Variants in EMC10 observed in about 807,000 individuals in gnomAD.
The protein encoded by EMC10 is UPF0510 protein INM02.
In EMC10, 40 loss-of-function variants were observed where a neutral mutation model predicts 32.2. The observed-to-expected ratio is 1.24, with a 90% CI of 0.96 to 1.61. The LOEUF (loss-of-function observed/expected upper bound fraction) is 1.61. Ranked by LOEUF, EMC10 falls within the 40% of genes most tolerant of loss-of-function variation. The pLI is 0.00. For synonymous variants in EMC10, 178 were observed against 158.4 expected (o/e 1.12, Z -0.93); for missense variants, 402 against 357.7 (o/e 1.12, Z -1.00).
rs79269644 is a variant in EMC10 at position 50,476,651 on chromosome 19, C to T, written c.107C>T (p.Ala36Val). Residue 36 changes from alanine (A) to valine (V), a missense_variant, in exon 1 of 7, where the codon GCG (alanine) becomes GTG (valine). Transcript: ENST00000334976. ...RGSGCRAGTG[A>V]RGAGAEGREG... ...AGCGGCTGCCGGGCCGGGACTGGTG[C>T]GCGAGGGGTGAGTGCTCTTTAGCTG... 5.9e-6 allele frequency: 9 copies of T among 1,528,616 alleles called. No individual in the cohort carries two copies. In the East Asian group the frequency reaches 2.2e-4, roughly 37 times the overall value. 94.7% of individuals were successfully genotyped at this position (1,528,616 alleles called of 1,614,324 possible). A position where few individuals can be genotyped will look rare whatever the true frequency, so the allele number is the denominator to read the frequency against.
At chr19:50,481,099 C>A (rs1274939924) in intron 6 of EMC10, 122 bp downstream of exon 6, 1 of 705,132 alleles carries the variant, frequency 1.4e-6, no homozygotes, top group Non-Finnish European at 2.4e-6. Flanking sequence ...TCCTCCGGGC[C>A]TCCTGTGTGT....
rs1479113060 is a variant in EMC10 at position 50,480,436 on chromosome 19, G to A, written c.403-145G>A. On this transcript the variant is annotated intron_variant, in intron 4 of 6. Transcript: ENST00000334976. The surrounding 1 kb of genome is among the most constrained non-coding windows in gnomAD (Gnocchi z 4.4). Reference sequence around the variant, plus strand: ...TTGTGAGGACTCCCGGGTGGGGGGCGGTTGAACTTGGGCCTGAGGGTAACA... The same window carrying A: ...TTGTGAGGACTCCCGGGTGGGGGGCAGTTGAACTTGGGCCTGAGGGTAACA... 5 of 1,058,164 alleles carry A rather than the reference G, an allele frequency of 4.7e-6. No homozygotes were observed. Among genetic ancestry groups the A allele is most frequent in the Admixed American group, 5.1e-5 (2 of 39,586 alleles). The allele number at this position is 1,058,164 out of a possible 1,614,324, so 65.5% of individuals were successfully genotyped here.
chr19:50,482,957 A>G lies in EMC10; in HGVS notation c.*698A>G. Reference sequence around the variant, plus strand: ...CAGACTTGAAGGAAAAGGTTTAAGAAAGAAAACAAAACCAACAGTTAGTGG... The same window carrying G: ...CAGACTTGAAGGAAAAGGTTTAAGAGAGAAAACAAAACCAACAGTTAGTGG... On this transcript the variant is annotated 3_prime_UTR_variant, in exon 7 of 7. Coordinates refer to ENST00000334976, the MANE Select transcript of EMC10 (RefSeq NM_206538.4). 1 of 580,444 alleles carries G rather than the reference A, an allele frequency of 1.7e-6. No homozygotes were observed. The highest frequency in any genetic ancestry group is 3.1e-6 in the Non-Finnish European group (1 of 323,156). The allele number at this position is 580,444 out of a possible 1,614,324, so 36.0% of individuals were successfully genotyped here.
chr19:50,477,472 C>T (rs910694829), intron 1 of EMC10, among the ~76,000 whole-genome samples: 2 of 152,080 alleles, frequency 1.3e-5, no homozygotes, highest in Non-Finnish European at 2.9e-5. Flanking sequence ...CCTAAATATG[C>T]GTGAGTATGC....
Position 50,486,855 on chromosome 19 carries a change from C to A in EMC10, c.*4596C>A, listed in dbSNP as rs1039134340. On this transcript the variant is annotated 3_prime_UTR_variant, in exon 7 of 7. Transcript: ENST00000334976. ...TATATTGATTAGGAGTAAAAATGTT[C>A]ATTTTTACAAAATATTACAACTTCT... is the stretch of plus-strand genomic sequence containing the variant. 7 of 152,076 alleles carry A rather than the reference C, an allele frequency of 4.6e-5. No individual in the cohort carries two copies. Among genetic ancestry groups the A allele is most frequent in the African/African-American group, 1.7e-4 (7 of 41,400 alleles). 9.4% of individuals were successfully genotyped at this position (152,076 alleles called of 1,614,324 possible).
In EMC10 at chr19:50,482,306, C is replaced by T. The variant is rs1246492485; in HGVS notation, c.*47C>T. 1 of 799,610 alleles carries T rather than the reference C, an allele frequency of 1.3e-6. No homozygotes were observed. The highest frequency in any genetic ancestry group is 1.7e-5 in the African/African-American group (1 of 58,648). The allele number at this position is 799,610 out of a possible 1,614,324, so 49.5% of individuals were successfully genotyped here. A position where few individuals can be genotyped will look rare whatever the true frequency, so the allele number is the denominator to read the frequency against. ...CCGTCTTGCACACCCAGGGGCCTCC[C>T]TTTCTGCTGGAGTCCCCTGTGTCCT... On this transcript the variant is annotated 3_prime_UTR_variant, in exon 7 of 7. Transcript: ENST00000334976.
In EMC10 at chr19:50,480,884, C is replaced by T. The variant is rs773663513; in HGVS notation, c.585C>T (p.Gly195=). The change falls in exon 6 of 7, where the codon GGC becomes GGT. Residue 195 remains glycine (G), a splice_region_variant and synonymous_variant. Coordinates refer to ENST00000334976, the MANE Select transcript of EMC10 (RefSeq NM_206538.4). This position sits in a 1 kb window ranked among gnomAD's most constrained non-coding sequence, Gnocchi z 4.4. ...TTCTCCTCCTCTCCCCTTGCCCCAGCCCTGAGACGGCGGCCTTCATTGAGC... is the reference window on the plus strand; with the variant it reads ...TTCTCCTCCTCTCCCCTTGCCCCAGTCCTGAGACGGCGGCCTTCATTGAGC... ...VQLQPPTTAP[G]PETAAFIERL... 1.2e-6 allele frequency: 2 copies of T among 1,604,590 alleles called. No individual in the cohort carries two copies. The highest frequency in any genetic ancestry group is 1.3e-5 in the African/African-American group (1 of 74,856).
At position 50,480,031 on chromosome 19, in the gene EMC10, C is replaced by T. The variant is rs548149319; in HGVS notation, c.298-80C>T. 45 of 1,179,688 alleles carry T rather than the reference C, an allele frequency of 3.8e-5. No individual in the cohort carries two copies. Among genetic ancestry groups the T allele is most frequent in the South Asian group, 7.3e-5 (5 of 68,154 alleles). 73.1% of individuals were successfully genotyped at this position (1,179,688 alleles called of 1,614,324 possible). A position where few individuals can be genotyped will look rare whatever the true frequency, so the allele number is the denominator to read the frequency against. ...GTGGGTGGGGCTGGAGAGGGGCCTT[C>T]GCGGAGGCCTGGTGGGCATCACAGC... On this transcript the variant is annotated intron_variant, in intron 3 of 6. Transcript: ENST00000334976. This position sits in a 1 kb window ranked among gnomAD's most constrained non-coding sequence, Gnocchi z 4.4.
chr19:50,478,307 G>A (rs1334394725), intron 2 of EMC10, among the ~76,000 whole-genome samples: 1 of 152,220 alleles, frequency 6.6e-6, no homozygotes. Context: ...TAACTCAGAT[G>A]TCCTCACAGC....
Position 50,480,456 on chromosome 19 carries a change from G to GT in EMC10, c.403-124dup. ...GGGGCGGTTGAACTTGGGCCTGAGG[G>GT]TAACAGGGAGCCATGGGAAGGTTTT... On this transcript the variant is annotated intron_variant, in intron 4 of 6. Transcript: ENST00000334976. This position sits in a 1 kb window ranked among gnomAD's most constrained non-coding sequence, Gnocchi z 4.4. 1 of 1,219,982 alleles carries GT rather than the reference G, an allele frequency of 8.2e-7. No individual in the cohort carries two copies. The highest frequency in any genetic ancestry group is 2.1e-4 in the Middle Eastern group (1 of 4,714). 75.6% of individuals were successfully genotyped at this position (1,219,982 alleles called of 1,614,324 possible).
intron 3 of EMC10, among the ~76,000 whole-genome samples, chr19:50,479,764 A>T (rs1237829413): frequency 6.6e-6 from 1 of 152,206 alleles, no homozygotes; most frequent in Admixed American, 6.5e-5. Context: ...AGAATTTATT[A>T]TGCATGTAAC....
At chr19:50,482,063 C>G in intron 6 of EMC10, 86 bp from the exon 7 acceptor site, 1 of 1,441,484 alleles carries the variant, frequency 6.9e-7, no homozygotes, top group East Asian at 2.3e-5. Context: ...CCGGTCCCCA[C>G]CGTGGGTGGG....
At chr19:50,481,210 C>T (rs776402359) in intron 6 of EMC10, 21 of 490,212 alleles carry the variant, frequency 4.3e-5, no homozygotes, top group South Asian at 2.0e-4. Context: ...GGGGAGGTCT[C>T]GGCCTGAGCT....
Position 50,480,470 on chromosome 19 carries a change from TG to T in EMC10, c.403-108del. The T allele has an allele frequency of 1.5e-6, 2 of 1,294,382 alleles. No individual in the cohort carries two copies. The highest frequency in any genetic ancestry group is 2.1e-6 in the Non-Finnish European group (2 of 944,912). 80.2% of individuals were successfully genotyped at this position (1,294,382 alleles called of 1,614,324 possible). A position where few individuals can be genotyped will look rare whatever the true frequency, so the allele number is the denominator to read the frequency against. On this transcript the variant is annotated intron_variant, in intron 4 of 6. Coordinates refer to ENST00000334976, the MANE Select transcript of EMC10 (RefSeq NM_206538.4). The surrounding 1 kb of genome is among the most constrained non-coding windows in gnomAD (Gnocchi z 4.4). ...TGGGCCTGAGGGTAACAGGGAGCCA[TG>T]GGAAGGTTTTGAAAAATGCTCCGGG...
At chr19:50,479,105 G>A in intron 3 of EMC10, 39 bp downstream of exon 3, 2 of 1,504,146 alleles carry the variant, frequency 1.3e-6, no homozygotes, top group Non-Finnish European at 1.8e-6. Flanking sequence ...GGATGGGGAT[G>A]GAGGGTTTCC....
chr19:50,483,402 C>T lies in EMC10; in HGVS notation c.*1143C>T, dbSNP rs554338306. 24 of 224,342 alleles carry T rather than the reference C, an allele frequency of 1.1e-4. No homozygotes were observed. The highest frequency in any genetic ancestry group is 5.3e-4 in the African/African-American group (23 of 43,168). The allele number at this position is 224,342 out of a possible 1,614,324, so 13.9% of individuals were successfully genotyped here. A position where few individuals can be genotyped will look rare whatever the true frequency, so the allele number is the denominator to read the frequency against. On this transcript the variant is annotated 3_prime_UTR_variant, in exon 7 of 7. Coordinates refer to ENST00000334976, the MANE Select transcript of EMC10 (RefSeq NM_206538.4). ...TAAATAGCACCCTAGTGAGTGCTGTCGTCCAGTCTCTCTTGGGTGTGGTTT... is the reference window on the plus strand; with the variant it reads ...TAAATAGCACCCTAGTGAGTGCTGTTGTCCAGTCTCTCTTGGGTGTGGTTT...
In EMC10 at chr19:50,476,550, G is replaced by T; in HGVS notation, c.6G>T (p.Ala2=). ...GCTGGTGGGAAGAAGCCGAGATGGCGGCAGCCAGCGCTGGGGCAACCCGGC... is the reference window on the plus strand; with the variant it reads ...GCTGGTGGGAAGAAGCCGAGATGGCTGCAGCCAGCGCTGGGGCAACCCGGC... The part of the protein sequence containing the change: M[A]AASAGATRLL... Residue 2 remains alanine (A), a synonymous_variant, in exon 1 of 7, where the codon GCG becomes GCT. Transcript: ENST00000334976. 1 of 1,572,916 alleles carries T rather than the reference G, an allele frequency of 6.4e-7. No individual in the cohort carries two copies.
At position 50,482,181 on chromosome 19, in the gene EMC10, C is replaced by T. The variant is rs774599573; in HGVS notation, c.711C>T (p.Leu237=). 2 of 1,580,272 alleles carry T rather than the reference C, an allele frequency of 1.3e-6. No individual in the cohort carries two copies. The highest frequency in any genetic ancestry group is 1.7e-6 in the Non-Finnish European group (2 of 1,155,222). Reference sequence around the variant, plus strand: ...ACATCATTCCCGTCGTCCTGTTCCTCATGATGTCAGGAGCGCCAGACACCG... The same window carrying T: ...ACATCATTCCCGTCGTCCTGTTCCTTATGATGTCAGGAGCGCCAGACACCG... ...WMYIIPVVLF[L]MMSGAPDTGG... Residue 237 remains leucine (L), a synonymous_variant, in exon 7 of 7, where the codon CTC becomes CTT. Coordinates refer to ENST00000334976, the MANE Select transcript of EMC10 (RefSeq NM_206538.4).
intron 3 of EMC10, 58 bp downstream of exon 3, chr19:50,479,124 C>G (rs2040277775): frequency 1.5e-6 from 2 of 1,359,878 alleles, no homozygotes; most frequent in Non-Finnish European, 1.0e-6. Flanking sequence ...CCAGCTGTCT[C>G]TTCAGCCACC....
Sources: gnomAD v4.1 joint callset for allele counts (sites outside exome capture counted in the v4.1 genomes callset) on GRCh38, gnomAD v4.1.1 for gene constraint, Gnocchi (gnomAD v3.1) non-coding constraint, MANE v1.5 for transcripts, NCBI Gene and HGNC (gene_info 2026-07-23, HGNC 2026-07-21) for gene names.